Variants in SREK1 observed in about 807,000 individuals in gnomAD.
The protein encoded by SREK1 is splicing regulatory glutamic acid and lysine rich protein 1.
A neutral mutation model predicts 66.5 loss-of-function variants in SREK1; 13 were observed. The observed-to-expected ratio is 0.20, with a 90% CI of 0.13 to 0.31. The LOEUF is 0.31. Among genes scored for constraint, SREK1 ranks in the 10% least tolerant of loss-of-function variants. The pLI, the probability that SREK1 is intolerant of heterozygous loss-of-function variation, is 1.00. For synonymous variants in SREK1, 265 were observed against 263.5 expected, an observed-to-expected ratio of 1.01 and a Z score of -0.05; for missense variants, 607 against 769.6, an observed-to-expected ratio of 0.79 and a Z score of 2.50.
intron 7 of SREK1, chr5:66,169,846 G>A: frequency 5.6e-6 from 2 of 359,614 alleles, no homozygotes; most frequent in Non-Finnish European, 5.0e-6. Flanking sequence ...CGAAATAACT[G>A]TTAAATTCTT....
chr5:66,156,503 AT>A, intron 2 of SREK1: 1 of 993,362 alleles, frequency 1.0e-6, no homozygotes, highest in Non-Finnish European at 1.2e-6. Flanking sequence ...CATAAGGTAC[AT>A]TTTATTCTTG....
At chr5:66,176,356 A>G (rs560792630) in intron 10 of SREK1, among the ~76,000 whole-genome samples, 30 of 152,212 alleles carry the variant, frequency 2.0e-4, no homozygotes, top group South Asian at 4.2e-4. Flanking sequence ...GTATTTGGCA[A>G]GGCCTGTTCT....
chr5:66,177,977 T>G lies in SREK1; in HGVS notation c.1725+319T>G, dbSNP rs188087798. 1.1e-3 allele frequency among the ~76,000 whole-genome samples: 168 copies of G among 152,206 alleles called. 1 individual carries two copies. The highest frequency in any genetic ancestry group is 3.9e-3 in the African/African-American group (162 of 41,556). The stretch of plus-strand genomic sequence containing the variant: ...TGATGCCATTTTCCTCAATTTATGT[T>G]TCAGCAAGTTTGAAAAGACTTTGTG... On this transcript the variant is annotated intron_variant, in intron 11 of 11. Transcript: ENST00000334121.
intron 11 of SREK1, among the ~76,000 whole-genome samples, chr5:66,178,373 T>C (rs1372100993): frequency 6.6e-6 from 1 of 152,076 alleles, no homozygotes; most frequent in African/African-American, 2.4e-5. Context: ...TTATTTTTGC[T>C]GCATTGGTTT....
chr5:66,171,180 G>GAAT (rs1234619714), intron 9 of SREK1, among the ~76,000 whole-genome samples: 1 of 152,124 alleles, frequency 6.6e-6, no homozygotes, highest in East Asian at 1.9e-4. Context: ...TATTTTAATA[G>GAAT]AATAATAATA....
chr5:66,167,551 T>C (rs1745276091), intron 7 of SREK1: 1 of 152,184 alleles, frequency 6.6e-6, no homozygotes, highest in South Asian at 2.1e-4. Context: ...TTAGATTAGA[T>C]CTGCTCTTGA....
At chr5:66,165,452 C>G (rs1445489294) in intron 7 of SREK1, 2 of 152,524 alleles carry the variant, frequency 1.3e-5, no homozygotes, top group Non-Finnish European at 2.9e-5. Context: ...GAGTAACTTG[C>G]AGTTTCAGCT....
At position 66,144,321 on chromosome 5, in the gene SREK1, G is replaced by C. The variant is rs975312607; in HGVS notation, c.-56G>C. 1.4e-6 allele frequency: 2 copies of C among 1,385,384 alleles called. No individual in the cohort carries two copies. Among genetic ancestry groups the C allele is most frequent in the Admixed American group, 5.1e-5 (2 of 39,404 alleles). The allele number at this position is 1,385,384 out of a possible 1,614,324, so 85.8% of individuals were successfully genotyped here. On this transcript the variant is annotated 5_prime_UTR_variant, in exon 1 of 12. Transcript: ENST00000334121. ...GCGCGTTCTCCGCTTTCCCGGCTCC[G>C]TCGCTGACGCGTCGTAGACGTTGGG...
intron 2 of SREK1, chr5:66,158,741 C>T: frequency 6.7e-6 from 8 of 1,191,158 alleles, no homozygotes; most frequent in Non-Finnish European, 8.6e-6. Flanking sequence ...TGGTTATTTG[C>T]CATTTCTGGG....
In SREK1 at chr5:66,144,403, G is replaced by C; in HGVS notation, c.27G>C (p.Leu9Phe). The part of the protein sequence containing the change: MNSGGGFG[L>F]GLGFGLTPTS... The stretch of plus-strand genomic sequence containing the variant: ...TGAACAGCGGCGGCGGCTTCGGTTT[G>C]GGCTTAGGCTTCGGCCTCACCCCCA... The change falls in exon 1 of 12, where the codon TTG (leucine) becomes TTC (phenylalanine). Residue 9 changes from leucine to phenylalanine, a missense_variant. This residue lies in a region of SREK1 where 75 missense variants were observed against 72.9 expected (regional missense o/e 1.03). Coordinates refer to ENST00000334121, the MANE Select transcript of SREK1 (RefSeq NM_001077199.3). 6.4e-7 allele frequency: 1 copy of C among 1,550,436 alleles called. No homozygotes were observed. Among genetic ancestry groups the C allele is most frequent in the Admixed American group, 2.0e-5 (1 of 50,938 alleles).
chr5:66,165,588 CAATACCATCCTAATTGGA>C (rs1480890697), intron 7 of SREK1: 2 of 152,166 alleles, frequency 1.3e-5, no homozygotes, highest in African/African-American at 4.8e-5. Context: ...GCAAATTTGG[CAATACCATCCTAATTGGA>C]AGTACCCTAA....
At chr5:66,144,845 C>T (rs1478350287) in intron 1 of SREK1, 14 of 1,073,330 alleles carry the variant, frequency 1.3e-5, no homozygotes, top group South Asian at 3.6e-5. Context: ...TTATTTCCCC[C>T]CGAACTTAAG....
chr5:66,151,590 T>C (rs901716123), intron 1 of SREK1, among the ~76,000 whole-genome samples: 4 of 152,138 alleles, frequency 2.6e-5, no homozygotes, highest in Non-Finnish European at 5.9e-5. Flanking sequence ...CATCAAGGTG[T>C]AATATTCCAG....
chr5:66,180,081 A>G lies in SREK1; in HGVS notation c.*1213A>G, dbSNP rs904453707. 6.6e-6 allele frequency: 1 copy of G among 152,560 alleles called. No homozygotes were observed. Among genetic ancestry groups the G allele is most frequent in the Non-Finnish European group, 1.5e-5 (1 of 67,992 alleles). The allele number at this position is 152,560 out of a possible 1,614,324, so 9.5% of individuals were successfully genotyped here. Reference sequence around the variant, plus strand: ...CTTATTACCTCTCAATCATCTTTTCATAAATGATGTGCAGAAATTGTACTT... The same window carrying G: ...CTTATTACCTCTCAATCATCTTTTCGTAAATGATGTGCAGAAATTGTACTT... On this transcript the variant is annotated 3_prime_UTR_variant, in exon 12 of 12. Transcript: ENST00000334121.
rs1745570904 is a variant in SREK1 at position 66,170,744 on chromosome 5, A to G, written c.1281A>G (p.Lys427=). 6.2e-7 allele frequency: 1 copy of G among 1,600,594 alleles called. No homozygotes were observed. Among genetic ancestry groups the G allele is most frequent in the African/African-American group, 1.3e-5 (1 of 74,522 alleles). Residue 427 remains lysine, a synonymous_variant, in exon 9 of 12, where the codon AAA becomes AAG. Coordinates refer to ENST00000334121, the MANE Select transcript of SREK1 (RefSeq NM_001077199.3). ...RDKEREKDRE[K]DKEKDRERER... ...AGGAACGGGAAAAGGACCGGGAAAA[A>G]GACAAGGAAAAGGACAGAGAGAGAG...
intron 7 of SREK1, chr5:66,169,226 T>TAGG (rs1745417526): frequency 6.6e-6 from 1 of 152,244 alleles, no homozygotes; most frequent in Admixed American, 6.5e-5. Flanking sequence ...GAATAACAGT[T>TAGG]ACTTTTCCTG....
In SREK1 at chr5:66,180,375, G is replaced by C. The variant is rs1055463602; in HGVS notation, c.*1507G>C. On this transcript the variant is annotated 3_prime_UTR_variant, in exon 12 of 12. Transcript: ENST00000334121. Reference sequence around the variant, plus strand: ...ATTTTAATGCAATCTAATACAATCAGATTACTCAGTTGCCTTACCTCATGG... The same window carrying C: ...ATTTTAATGCAATCTAATACAATCACATTACTCAGTTGCCTTACCTCATGG... 6.6e-6 allele frequency: 1 copy of C among 152,538 alleles called. No individual in the cohort carries two copies. Among genetic ancestry groups the C allele is most frequent in the African/African-American group, 2.4e-5 (1 of 41,430 alleles). 9.4% of individuals were successfully genotyped at this position (152,538 alleles called of 1,614,324 possible).
In SREK1 at chr5:66,180,981, G is replaced by A. The variant is rs1344589610; in HGVS notation, c.*2113G>A. The A allele has an allele frequency of 6.6e-6, 1 of 152,188 alleles. No individual in the cohort carries two copies. Among genetic ancestry groups the A allele is most frequent in the Admixed American group, 6.6e-5 (1 of 15,262 alleles). The allele number at this position is 152,188 out of a possible 1,614,324, so 9.4% of individuals were successfully genotyped here. A position where few individuals can be genotyped will look rare whatever the true frequency, so the allele number is the denominator to read the frequency against. ...GTTGTGACGTGGAGAGTGCATGTTT[G>A]TGTGGTGTCTATAAAACAAGTCATT... On this transcript the variant is annotated 3_prime_UTR_variant, in exon 12 of 12. Transcript: ENST00000334121.
At chr5:66,164,198 A>G (rs1744985398) in intron 6 of SREK1, 1 of 342,004 alleles carries the variant, frequency 2.9e-6, no homozygotes, top group Non-Finnish European at 5.3e-6. Context: ...CTGAAAGCAA[A>G]AATGTTATTG....
Sources: allele counts gnomAD v4.1 joint callset (sites outside exome capture counted in the v4.1 genomes callset), GRCh38; gene constraint gnomAD v4.1.1; regional missense constraint gnomAD v4.1.1; transcripts MANE v1.5; gene names NCBI Gene and HGNC (gene_info 2026-07-23, HGNC 2026-07-21).